The following NRXN1 variants were observed in gnomAD, a reference collection of about 807,000 sequenced individuals.
NRXN1 encodes neurexin-1.
Under a neutral mutation model 150.9 loss-of-function variants are expected in NRXN1, and 39 were observed. The observed-to-expected ratio is 0.26, with a 90% CI of 0.20 to 0.34. The LOEUF (loss-of-function observed/expected upper bound fraction) is 0.34. Among genes scored for constraint, NRXN1 ranks in the 10% least tolerant of loss-of-function variants. NRXN1 has a pLI of 1.00. For synonymous variants in NRXN1, 924 were observed against 757.0 expected, an observed-to-expected ratio of 1.22 and a Z score of -3.62; for missense variants, 1,815 against 1,949.9, an observed-to-expected ratio of 0.93 and a Z score of 1.30.
intron 21 of NRXN1, among the ~76,000 whole-genome samples, chr2:50,043,125 G>A (rs1353066335): frequency 6.6e-6 from 1 of 152,162 alleles, no homozygotes; most frequent in African/African-American, 2.4e-5. Flanking sequence ...CTTTATACAT[G>A]TGTTTTTTTA....
At position 50,489,655 on chromosome 2, in the gene NRXN1, T is replaced by C. The variant is rs578240442; in HGVS notation, c.3070+6250A>G. Among the ~76,000 whole-genome samples the C allele has an allele frequency of 5.4e-4, 82 of 152,106 alleles. 1 individual carries two copies. The highest frequency in any genetic ancestry group is 1.9e-3 in the African/African-American group (80 of 41,422). ...GTGATTCTAATGGTGGGAAGAGAGA[T>C]TTCAAATAATATAGTTGGAGGGAGT... On this transcript the variant is annotated intron_variant, in intron 15 of 22. Coordinates refer to ENST00000401669, the MANE Select transcript of NRXN1 (RefSeq NM_001330078.2).
At chr2:50,227,696 G>GGAGGCA (rs1251342207) in intron 18 of NRXN1, among the ~76,000 whole-genome samples, 1 of 151,986 alleles carries the variant, frequency 6.6e-6, no homozygotes, top group Non-Finnish European at 1.5e-5. Context: ...GGAAGATGCT[G>GGAGGCA]GAGGCAGAGA....
At chr2:50,067,276 A>G (rs1695508114) in intron 19 of NRXN1, among the ~76,000 whole-genome samples, 1 of 152,204 alleles carries the variant, frequency 6.6e-6, no homozygotes, top group Non-Finnish European at 1.5e-5. Flanking sequence ...GTGGATTTAC[A>G]TTAAGATATC....
intron 17 of NRXN1, among the ~76,000 whole-genome samples, chr2:50,336,483 T>C (rs1009409428): frequency 2.0e-5 from 3 of 152,220 alleles, no homozygotes; most frequent in African/African-American, 7.2e-5. Flanking sequence ...GTTTATTAAT[T>C]GTCAGTCTTT....
Position 49,942,120 on chromosome 2 carries a change from T to C in NRXN1, c.4216+1584A>G, listed in dbSNP as rs192232556. Among the ~76,000 whole-genome samples, 4 of 152,226 alleles carry C rather than the reference T, an allele frequency of 2.6e-5. No homozygotes were observed. In the East Asian group the frequency reaches 5.8e-4, roughly 22 times the overall value. On this transcript the variant is annotated intron_variant, in intron 22 of 22. Coordinates refer to ENST00000401669, the MANE Select transcript of NRXN1 (RefSeq NM_001330078.2). ...TGTCACGACAACCAAGAGGGAATGA[T>C]TGCAGAGGCCAATGAGCTGGGAGAA... is the stretch of plus-strand genomic sequence containing the variant.
intron 18 of NRXN1, among the ~76,000 whole-genome samples, chr2:50,210,916 C>T (rs1282266847): frequency 6.6e-6 from 1 of 151,590 alleles, no homozygotes; most frequent in African/African-American, 2.4e-5. Flanking sequence ...TTTGCTCAAA[C>T]ACACACTATT....
intron 5 of NRXN1, among the ~76,000 whole-genome samples, chr2:50,682,447 T>A (rs1015233317): frequency 6.6e-6 from 1 of 152,156 alleles, no homozygotes; most frequent in Non-Finnish European, 1.5e-5. Flanking sequence ...AAAATTATGG[T>A]GCTAAATTTC....
rs189248577 is a variant in NRXN1 at position 50,277,425 on chromosome 2, C to T, written c.3365-40455G>A. Among the ~76,000 whole-genome samples the T allele has an allele frequency of 2.4e-3, 366 of 151,068 alleles. 1 individual carries two copies. Among genetic ancestry groups the T allele is most frequent in the African/African-American group, 8.8e-3 (361 of 41,098 alleles). ...CCTCCCTCCTTCCCTTCCTTCCTTCCTCCCTCCCTTCCTCCTTCCCTCTCT... is the reference window on the plus strand; with the variant it reads ...CCTCCCTCCTTCCCTTCCTTCCTTCTTCCCTCCCTTCCTCCTTCCCTCTCT... On this transcript the variant is annotated intron_variant, in intron 17 of 22. Coordinates refer to ENST00000401669, the MANE Select transcript of NRXN1 (RefSeq NM_001330078.2).
chr2:50,539,819 A>G (rs1278428416), intron 9 of NRXN1, among the ~76,000 whole-genome samples: 1 of 152,218 alleles, frequency 6.6e-6, no homozygotes, highest in Non-Finnish European at 1.5e-5. Context: ...GAGACACAAG[A>G]GAGACCTGGA....
intron 17 of NRXN1, among the ~76,000 whole-genome samples, chr2:50,356,982 C>A (rs1268967783): frequency 1.3e-5 from 2 of 151,930 alleles, no homozygotes; most frequent in Admixed American, 6.6e-5. Flanking sequence ...CTACCAATGC[C>A]CTTAAATGAT....
intron 17 of NRXN1, among the ~76,000 whole-genome samples, chr2:50,458,502 A>C (rs2087815732): frequency 6.6e-6 from 1 of 152,162 alleles, no homozygotes; most frequent in South Asian, 2.1e-4. Context: ...AATTACCCAG[A>C]TTTGATCATT....
At position 50,373,625 on chromosome 2, in the gene NRXN1, GA is replaced by G. The variant is rs1162774001; in HGVS notation, c.3364+91816del. Among the ~76,000 whole-genome samples, 11 of 93,684 alleles carry G rather than the reference GA, an allele frequency of 1.2e-4. No individual in the cohort carries two copies. In the East Asian group the frequency reaches 2.2e-3, roughly 19 times the overall value. The allele number at this position is 93,684 out of a possible 152,430, so 61.5% of individuals were successfully genotyped here. A position where few individuals can be genotyped will look rare whatever the true frequency, so the allele number is the denominator to read the frequency against. On this transcript the variant is annotated intron_variant, in intron 17 of 22. Coordinates refer to ENST00000401669, the MANE Select transcript of NRXN1 (RefSeq NM_001330078.2). ...AGAGAAAGAAAGAGAGAGAGAGAAA[GA>G]AAAGAAAGAAAGAAAGAAAGAAAGA...
intron 2 of NRXN1, among the ~76,000 whole-genome samples, chr2:50,932,896 A>G (rs1415729820): frequency 6.6e-6 from 1 of 152,128 alleles, no homozygotes; most frequent in Non-Finnish European, 1.5e-5. Flanking sequence ...AGAGAAAAAT[A>G]CTATTTTCTT....
intron 17 of NRXN1, among the ~76,000 whole-genome samples, chr2:50,421,746 C>T (rs1361330021): frequency 6.6e-6 from 1 of 152,110 alleles, no homozygotes. Flanking sequence ...AAAGTGCATA[C>T]TGCAAGTTAA....
chr2:50,203,351 G>A (rs1397384941), intron 18 of NRXN1, among the ~76,000 whole-genome samples: 1 of 152,178 alleles, frequency 6.6e-6, no homozygotes, highest in Non-Finnish European at 1.5e-5. Flanking sequence ...TCTACAGTTT[G>A]TGACATGGGT....
intron 8 of NRXN1, among the ~76,000 whole-genome samples, chr2:50,618,445 T>C (rs1168699134): frequency 6.6e-6 from 1 of 152,140 alleles, no homozygotes; most frequent in African/African-American, 2.4e-5. Context: ...CTATTATTCA[T>C]TTGTAAACAT....
chr2:50,086,847 A>AGAGAGAGC (rs958617981), intron 19 of NRXN1, among the ~76,000 whole-genome samples: 4 of 150,692 alleles, frequency 2.7e-5, no homozygotes, highest in African/African-American at 9.8e-5. Flanking sequence ...AGAGAGAGAG[A>AGAGAGAGC]GAGCGAGCCG....
chr2:50,515,895 G>A (rs1194628250), intron 12 of NRXN1, among the ~76,000 whole-genome samples: 3 of 151,830 alleles, frequency 2.0e-5, no homozygotes, highest in Non-Finnish European at 2.9e-5. Flanking sequence ...ATGATGAGAG[G>A]ATATGTTTCC....
chr2:50,933,839 C>G (rs957599348), intron 2 of NRXN1, among the ~76,000 whole-genome samples: 2 of 152,034 alleles, frequency 1.3e-5, no homozygotes, highest in Non-Finnish European at 1.5e-5. Context: ...CCTTTTGTAA[C>G]CCTAATATAG....
Sources: allele counts gnomAD v4.1 joint callset (sites outside exome capture counted in the v4.1 genomes callset), GRCh38; gene constraint gnomAD v4.1.1; transcripts MANE v1.5; gene names NCBI Gene and HGNC (gene_info 2026-07-23, HGNC 2026-07-21).